Variants in UNC13C observed in about 807,000 individuals in gnomAD.
The protein encoded by UNC13C is protein unc-13 homolog C.
UNC13C carries 174 observed loss-of-function variants against 245.4 expected under a neutral mutation model. The observed-to-expected ratio is 0.71, with a 90% confidence interval of 0.63 to 0.80. The LOEUF is 0.80. Among genes scored for constraint, UNC13C ranks in the 30% least tolerant of loss-of-function variants. The pLI is 0.00. For missense variants in UNC13C, 2,829 were observed against 2,602.9 expected (o/e 1.09, Z -1.89); for synonymous variants, 992 against 895.1 (o/e 1.11, Z -1.93).
rs542627924 is a variant in UNC13C at position 54,311,304 on chromosome 15, G to A, written c.4269-10635G>A. Reference sequence around the variant, plus strand: ...CAGGTGGCAACTACTCCTAAGTATTGTATCTTTAATCTTTAGGTGTATTAA... The same window carrying A: ...CAGGTGGCAACTACTCCTAAGTATTATATCTTTAATCTTTAGGTGTATTAA... On this transcript the variant is annotated intron_variant, in intron 13 of 32. Coordinates refer to ENST00000260323, the MANE Select transcript of UNC13C (RefSeq NM_001080534.3). Among the ~76,000 whole-genome samples, 92 of 151,734 alleles carry A rather than the reference G, an allele frequency of 6.1e-4. 1 individual carries two copies. The highest frequency in any genetic ancestry group is 2.2e-3 in the African/African-American group (92 of 41,482).
chr15:54,187,829 A>T (rs552627414), intron 4 of UNC13C, among the ~76,000 whole-genome samples: 1 of 152,076 alleles, frequency 6.6e-6, no homozygotes, highest in East Asian at 1.9e-4. Context: ...TTTTGTTTTG[A>T]GACAGAGTTT....
the UNC13C span, among the ~76,000 whole-genome samples, chr15:53,872,551 G>A: frequency 3.3e-5 from 5 of 152,060 alleles, no homozygotes; most frequent in Non-Finnish European, 5.9e-5. Context: ...TTCAACAGTT[G>A]TCCCTGTGGT....
chr15:54,237,282 C>T (rs1490572085), intron 6 of UNC13C, among the ~76,000 whole-genome samples: 1 of 152,134 alleles, frequency 6.6e-6, no homozygotes, highest in Non-Finnish European at 1.5e-5. Context: ...ATATCACAAC[C>T]ACCTTGAGGA....
chr15:54,620,554 A>C (rs1366266794), intron 30 of UNC13C, among the ~76,000 whole-genome samples: 3 of 152,036 alleles, frequency 2.0e-5, no homozygotes, highest in Non-Finnish European at 4.4e-5. Flanking sequence ...CATTTCTTAA[A>C]GTTTCATTCT....
At chr15:54,420,588 T>C (rs1338952834) in intron 19 of UNC13C, among the ~76,000 whole-genome samples, 4 of 151,990 alleles carry the variant, frequency 2.6e-5, no homozygotes, top group Non-Finnish European at 5.9e-5. Context: ...TATTTGCCTT[T>C]CTGATCATTT....
In UNC13C at chr15:54,322,211, A is replaced by T. The variant is rs2038181764; in HGVS notation, c.4425+116A>T. On this transcript the variant is annotated intron_variant, in intron 14 of 32. Coordinates refer to ENST00000260323, the MANE Select transcript of UNC13C (RefSeq NM_001080534.3). Reference sequence around the variant, plus strand: ...TATTGCAGAAAGGACATTTTAGGGAATAGCGTAATGGGTTCCAGCTCAAAG... The same window carrying T: ...TATTGCAGAAAGGACATTTTAGGGATTAGCGTAATGGGTTCCAGCTCAAAG... 1.0e-5 allele frequency: 10 copies of T among 995,726 alleles called. No homozygotes were observed. The South Asian group carries it at 1.1e-4, about 11-fold the overall frequency. 61.7% of individuals were successfully genotyped at this position (995,726 alleles called of 1,614,324 possible). A position where few individuals can be genotyped will look rare whatever the true frequency, so the allele number is the denominator to read the frequency against.
chr15:54,440,857 T>A (rs141566190), intron 19 of UNC13C, among the ~76,000 whole-genome samples: 10 of 152,222 alleles, frequency 6.6e-5, no homozygotes, highest in African/African-American at 2.4e-4. Context: ...CTATTCTAAC[T>A]GGGATAAAAT....
intron 4 of UNC13C, among the ~76,000 whole-genome samples, chr15:54,221,962 A>G (rs971977312): frequency 6.6e-6 from 1 of 152,066 alleles, no homozygotes; most frequent in Non-Finnish European, 1.5e-5. Context: ...TTTAAATTTT[A>G]AATTTTTGTG....
intron 19 of UNC13C, among the ~76,000 whole-genome samples, chr15:54,428,550 A>T (rs2040803696): frequency 6.6e-6 from 1 of 151,500 alleles, no homozygotes; most frequent in Non-Finnish European, 1.5e-5. Context: ...TCAGCCACTG[A>T]TATACTTGTT....
chr15:54,301,310 G>A (rs1290868550), intron 13 of UNC13C, among the ~76,000 whole-genome samples: 1 of 136,946 alleles, frequency 7.3e-6, no homozygotes, highest in Admixed American at 7.5e-5. Flanking sequence ...TTTTTTGAAT[G>A]TAAGTTCTGG....
At chr15:54,144,164 A>C (rs1186009948) in intron 4 of UNC13C, among the ~76,000 whole-genome samples, 1 of 152,308 alleles carries the variant, frequency 6.6e-6, no homozygotes, top group African/African-American at 2.4e-5. Context: ...TTTAATCACA[A>C]AAATAATGTA....
chr15:54,345,726 TACGTG>T (rs1187389619), intron 17 of UNC13C, among the ~76,000 whole-genome samples: 4 of 152,240 alleles, frequency 2.6e-5, no homozygotes, highest in African/African-American at 9.6e-5. Context: ...TATCCATGTT[TACGTG>T]ACTATCCTAT....
At chr15:54,325,819 T>A (rs1276847174) in intron 14 of UNC13C, among the ~76,000 whole-genome samples, 1 of 152,080 alleles carries the variant, frequency 6.6e-6, no homozygotes, top group African/African-American at 2.4e-5. Context: ...AATCAGAAGA[T>A]AAAAAGAGAG....
intron 2 of UNC13C, among the ~76,000 whole-genome samples, chr15:54,040,561 G>T (rs1356633216): frequency 1.3e-5 from 2 of 152,158 alleles, no homozygotes; most frequent in African/African-American, 2.4e-5. Context: ...TCCTACACAG[G>T]CTGGGAAAGC....
At chr15:54,274,533 G>A (rs2036776438) in intron 10 of UNC13C, among the ~76,000 whole-genome samples, 1 of 151,944 alleles carries the variant, frequency 6.6e-6, no homozygotes, top group Admixed American at 6.6e-5. Context: ...AAGCAAAATG[G>A]AAGAAACACA....
intron 1 of UNC13C, among the ~76,000 whole-genome samples, chr15:53,994,626 A>T (rs1411450209): frequency 6.6e-6 from 1 of 152,110 alleles, no homozygotes; most frequent in Non-Finnish European, 1.5e-5. Flanking sequence ...ATTAAAACTT[A>T]AAATTCTTAC....
At chr15:54,464,709 T>C (rs1892073371) in intron 19 of UNC13C, among the ~76,000 whole-genome samples, 1 of 152,078 alleles carries the variant, frequency 6.6e-6, no homozygotes, top group Non-Finnish European at 1.5e-5. Context: ...GAAGAGGTGG[T>C]ATTGCTCCAG....
At chr15:54,368,343 C>T (rs2039413061) in intron 17 of UNC13C, among the ~76,000 whole-genome samples, 1 of 151,960 alleles carries the variant, frequency 6.6e-6, no homozygotes, top group Admixed American at 6.6e-5. Context: ...CCCATAGGAG[C>T]CTTTTAAATT....
chr15:53,883,428 A>G, the UNC13C span, among the ~76,000 whole-genome samples: 1 of 152,192 alleles, frequency 6.6e-6, no homozygotes, highest in African/African-American at 2.4e-5. Flanking sequence ...GCGGAGTCAC[A>G]AGCAAAAGAT....
Sources: gnomAD v4.1 joint callset for allele counts (sites outside exome capture counted in the v4.1 genomes callset) on GRCh38, gnomAD v4.1.1 for gene constraint, MANE v1.5 for transcripts, NCBI Gene and HGNC (gene_info 2026-07-23, HGNC 2026-07-21) for gene names.